The following AGBL1 variants were observed in gnomAD, a reference collection of about 807,000 sequenced individuals.
The protein encoded by AGBL1 is AGBL carboxypeptidase 1, also known as cytosolic carboxypeptidase 4.
In AGBL1, 130 loss-of-function variants were observed where a neutral mutation model predicts 118.9. The ratio of observed to expected loss-of-function variants is 1.09; its 90% CI spans 0.95 to 1.26. The LOEUF is 1.26. Among genes scored for constraint, AGBL1 ranks in the 50% most tolerant of loss-of-function variants. The pLI, the probability that AGBL1 is intolerant of heterozygous loss-of-function variation, is 0.00. For synonymous variants in AGBL1, 555 were observed against 478.9 expected (o/e 1.16, Z -2.08); for missense variants, 1,584 against 1,298.1 (o/e 1.22, Z -3.38).
At chr15:86,724,185 G>C (rs183010663) in intron 22 of AGBL1, among the ~76,000 whole-genome samples, 1 of 130,268 alleles carries the variant, frequency 7.7e-6, no homozygotes, top group South Asian at 2.5e-4. Context: ...GCAGTGAGCT[G>C]CGATAGCGCC....
chr15:86,092,768 G>GGAAA (rs1437931080), intron 1 of AGBL1, among the ~76,000 whole-genome samples: 1 of 152,054 alleles, frequency 6.6e-6, no homozygotes, highest in East Asian at 1.9e-4. Flanking sequence ...ATCACATGAT[G>GGAAA]GAAAGCCAAA....
chr15:86,381,507 TC>T (rs2081113012), intron 17 of AGBL1, among the ~76,000 whole-genome samples: 1 of 152,136 alleles, frequency 6.6e-6, no homozygotes, highest in Admixed American at 6.5e-5. Context: ...CTGTGTGTCT[TC>T]CCTGCCTTGA....
Position 86,674,448 on chromosome 15 carries a change from C to G in AGBL1, c.3158+12C>G, listed in dbSNP as rs765323179. ...CAGCACCTCCAACGGTAAGATGCTC[C>G]CAAGGGCTCAGAGAAATTTGGACCT... On this transcript the variant is annotated intron_variant, in intron 22 of 22. Transcript: ENST00000614907. 1.9e-6 allele frequency: 3 copies of G among 1,594,474 alleles called. No individual in the cohort carries two copies. Among genetic ancestry groups the G allele is most frequent in the Non-Finnish European group, 2.6e-6 (3 of 1,166,062 alleles).
At chr15:86,503,676 T>C (rs2082942781) in intron 18 of AGBL1, among the ~76,000 whole-genome samples, 1 of 151,546 alleles carries the variant, frequency 6.6e-6, no homozygotes, top group Non-Finnish European at 1.5e-5. Flanking sequence ...TATTGTAATT[T>C]CTTCTTTGAC....
In AGBL1 at chr15:86,295,327, A is replaced by C; in HGVS notation, c.2293A>C (p.Thr765Pro). 1 of 1,613,586 alleles carries C rather than the reference A, an allele frequency of 6.2e-7. No homozygotes were observed. The highest frequency in any genetic ancestry group is 2.2e-5 in the East Asian group (1 of 44,874). Residue 765 changes from threonine (T) to proline (P), a missense_variant, in exon 17 of 23, where the codon ACG becomes CCG. Physicochemically the swap from Thr to Pro is conservative, Grantham distance 38 (BLOSUM62 -1). Coordinates refer to ENST00000614907, the MANE Select transcript of AGBL1 (RefSeq NM_001386094.1). ...VYFRQDVLCQ[T>P]LGGNPCPLVT... ...CTTCCGGCAAGATGTTCTCTGCCAG[A>C]CGCTGGGAGGGAATCCGTGTCCCTT...
intron 1 of AGBL1, among the ~76,000 whole-genome samples, chr15:86,087,653 C>T (rs148921181): frequency 3.3e-5 from 5 of 152,160 alleles, no homozygotes; most frequent in African/African-American, 1.2e-4. Flanking sequence ...TGCAACAATC[C>T]TAAGGCAGTT....
At chr15:86,692,668 T>A (rs549906280) in intron 22 of AGBL1, among the ~76,000 whole-genome samples, 1 of 152,274 alleles carries the variant, frequency 6.6e-6, no homozygotes, top group East Asian at 1.9e-4. Flanking sequence ...TATGAGTAAG[T>A]TCTTCAGTGG....
At chr15:86,380,100 CGGGGACTTTTA>C (rs1031364349) in intron 17 of AGBL1, among the ~76,000 whole-genome samples, 1 of 151,754 alleles carries the variant, frequency 6.6e-6, no homozygotes, top group Non-Finnish European at 1.5e-5. Flanking sequence ...AATGACTTCC[CGGGGACTTTTA>C]AATCTATATA....
intron 22 of AGBL1, among the ~76,000 whole-genome samples, chr15:86,802,693 T>C (rs1002738338): frequency 2.0e-5 from 3 of 152,150 alleles, no homozygotes; most frequent in East Asian, 1.9e-4. Flanking sequence ...CAAACAAACA[T>C]GAAATCTCAA....
chr15:86,475,737 C>A (rs1007414567), intron 18 of AGBL1, among the ~76,000 whole-genome samples: 3 of 152,108 alleles, frequency 2.0e-5, no homozygotes, highest in African/African-American at 7.2e-5. Context: ...CACAAAGATA[C>A]TCATCAAGAA....
chr15:86,478,203 C>T (rs143157960), intron 18 of AGBL1, among the ~76,000 whole-genome samples: 2,345 of 152,154 alleles, frequency 0.015, 68 homozygotes, highest in African/African-American at 0.052. Flanking sequence ...ACCACCCCTA[C>T]TGAACATAGT....
chr15:86,450,660 TG>T (rs2082182234), intron 18 of AGBL1, among the ~76,000 whole-genome samples: 1 of 152,210 alleles, frequency 6.6e-6, no homozygotes, highest in Non-Finnish European at 1.5e-5. Flanking sequence ...TAGAGATATT[TG>T]GACTCAAATT....
chr15:86,413,035 T>A (rs2081643800), intron 18 of AGBL1, among the ~76,000 whole-genome samples: 1 of 152,170 alleles, frequency 6.6e-6, no homozygotes. Flanking sequence ...CAATTCAGTT[T>A]CTTTCTTTTT....
intron 1 of AGBL1, chr15:86,107,585 C>T (rs1265643539): frequency 6.6e-6 from 1 of 152,206 alleles, no homozygotes; most frequent in Admixed American, 6.5e-5. Context: ...CTCCATTCTA[C>T]CAAAATGTTG....
chr15:86,325,174 A>G (rs542234634), intron 17 of AGBL1, among the ~76,000 whole-genome samples: 1 of 152,356 alleles, frequency 6.6e-6, no homozygotes, highest in East Asian at 1.9e-4. Context: ...AGAGGCAAGG[A>G]AAACACGGAG....
At chr15:86,377,567 T>C (rs1324909745) in intron 17 of AGBL1, among the ~76,000 whole-genome samples, 3 of 152,204 alleles carry the variant, frequency 2.0e-5, no homozygotes, top group Non-Finnish European at 4.4e-5. Context: ...TTATTTCTTA[T>C]CAGGTCCCAA....
chr15:86,953,968 C>T (rs2080905182), intron 23 of AGBL1, among the ~76,000 whole-genome samples: 1 of 152,086 alleles, frequency 6.6e-6, no homozygotes, highest in South Asian at 2.1e-4. Context: ...AAGCAGCCAA[C>T]AAACATTTGA....
intron 21 of AGBL1, among the ~76,000 whole-genome samples, chr15:86,604,296 G>C (rs997530719): frequency 3.9e-5 from 6 of 152,144 alleles, no homozygotes; most frequent in African/African-American, 1.4e-4. Flanking sequence ...CCATATGTCA[G>C]ATCTACACAC....
chr15:87,028,085 G>GA (rs201298158), intron 24 of AGBL1, among the ~76,000 whole-genome samples: 90 of 148,676 alleles, frequency 6.1e-4, no homozygotes, highest in South Asian at 6.4e-4. Flanking sequence ...ATGGCCAAAA[G>GA]AAAAAAAAAG....
Sources: allele counts gnomAD v4.1 joint callset (sites outside exome capture counted in the v4.1 genomes callset), GRCh38; gene constraint gnomAD v4.1.1; transcripts MANE v1.5; gene names NCBI Gene and HGNC (gene_info 2026-07-23, HGNC 2026-07-21).